Variants in TACC2 observed in about 807,000 individuals in gnomAD.
The protein encoded by TACC2 is transforming acidic coiled-coil-containing protein 2.
TACC2 carries 137 observed loss-of-function variants against 227.3 expected under a neutral mutation model. The ratio of observed to expected loss-of-function variants is 0.60; its 90% CI spans 0.52 to 0.69. The LOEUF (loss-of-function observed/expected upper bound fraction) is 0.69, where lower values mean the gene tolerates loss of function less well. Among genes scored for constraint, TACC2 ranks in the 30% least tolerant of loss-of-function variants. The pLI is 0.00. For synonymous variants in TACC2, 1,523 were observed against 1,487.5 expected (o/e 1.02, Z -0.55); for missense variants, 3,470 against 3,694.4 (o/e 0.94, Z 1.57).
chr10:122,137,471 T>A (rs2089888213), intron 6 of TACC2, among the ~76,000 whole-genome samples: 1 of 151,640 alleles, frequency 6.6e-6, no homozygotes, highest in African/African-American at 2.4e-5. Flanking sequence ...CTGAGGCCCA[T>A]CTAAAAAAAA....
Position 122,084,994 on chromosome 10 carries a change from C to A in TACC2, c.2494C>A (p.Pro832Thr). The change falls in exon 4 of 23, where the codon CCA becomes ACA. Residue 832 changes from proline to threonine, a missense_variant. This residue lies in a region of TACC2 where 1,924 missense variants were observed against 1,978.3 expected (regional missense o/e 0.97). Transcript: ENST00000369005. ...PLLSSEKHLQ[P>T]SQAQPETSIF... ...ACTATCTTCTGAGAAGCATCTCCAG[C>A]CATCCCAGGCACAACCAGAGACATC... 4 of 1,614,138 alleles carry A rather than the reference C, an allele frequency of 2.5e-6. No individual in the cohort carries two copies. The East Asian group carries it at 8.9e-5, about 36-fold the overall frequency.
Position 122,083,058 on chromosome 10 carries a change from C to T in TACC2, c.558C>T (p.Ser186=), listed in dbSNP as rs535065792. 6.2e-7 allele frequency: 1 copy of T among 1,612,664 alleles called. No individual in the cohort carries two copies. The highest frequency in any genetic ancestry group is 1.3e-5 in the African/African-American group (1 of 75,038). The change falls in exon 4 of 23, where the codon TCC becomes TCT. Residue 186 remains serine, a synonymous_variant. Transcript: ENST00000369005. ...AGCCGAAGGAAGAAGGACAGAAGTC[C>T]TCCTTCTCCTTCTCCAGTGGCATCG... is the stretch of plus-strand genomic sequence containing the variant. ...ERQPKEEGQK[S]SFSFSSGIDQ... is the part of the protein sequence containing the mutation.
intron 1 of TACC2, 64 bp downstream of exon 1, chr10:121,989,552 G>A (rs1234048545): frequency 6.6e-6 from 1 of 152,056 alleles, no homozygotes; most frequent in African/African-American, 2.4e-5. Context: ...TGAAAATACA[G>A]GGTAGGAAAA....
chr10:122,084,532 G>A lies in TACC2; in HGVS notation c.2032G>A (p.Gly678Ser), dbSNP rs1270547451. The stretch of plus-strand genomic sequence containing the variant: ...CCTGCCCCCTGTGCCAGATGGAGCT[G>A]GTGAGCCCACTGTTCCCGAAGGAGC... ...PVLPPVPDGAGEPTVPEGAIW... is the reference protein window; with the variant it reads ...PVLPPVPDGASEPTVPEGAIW... Residue 678 changes from glycine (G) to serine (S), a missense_variant, in exon 4 of 23, where the codon GGT becomes AGT. Around this residue, in one of 10 missense-constraint regions of TACC2, gnomAD observed 1,924 missense variants for 1,978.3 expected, o/e 0.97. Coordinates refer to ENST00000369005, the MANE Select transcript of TACC2 (RefSeq NM_206862.4). The A allele has an allele frequency of 5.0e-6, 8 of 1,613,648 alleles. No homozygotes were observed. The South Asian group carries it at 7.7e-5, about 16-fold the overall frequency.
At chr10:122,104,501 T>C (rs1352791496) in intron 5 of TACC2, among the ~76,000 whole-genome samples, 13 of 152,154 alleles carry the variant, frequency 8.5e-5, no homozygotes, top group Admixed American at 6.6e-5. Flanking sequence ...CCTGAGTAGC[T>C]GTGATTACAG....
chr10:122,163,730 C>T (rs2092970893), intron 7 of TACC2: 7 of 1,118,904 alleles, frequency 6.3e-6, no homozygotes, highest in South Asian at 8.8e-5. Context: ...CGGCGCTCGC[C>T]CCCCGGCCCC....
At position 122,249,162 on chromosome 10, in the gene TACC2, A is replaced by G; in HGVS notation, c.8660+6A>G. 3 of 1,604,056 alleles carry G rather than the reference A, an allele frequency of 1.9e-6. No individual in the cohort carries two copies. Among genetic ancestry groups the G allele is most frequent in the Non-Finnish European group, 2.6e-6 (3 of 1,175,688 alleles). On this transcript the variant is annotated splice_donor_region_variant and intron_variant, in intron 21 of 22. Coordinates refer to ENST00000369005, the MANE Select transcript of TACC2 (RefSeq NM_206862.4). ...GCGGAGGAGAAACTGGACAGGTAAC[A>G]TTTAGCCACTGGGGGTGGCTCCCAG...
intron 7 of TACC2, among the ~76,000 whole-genome samples, chr10:122,191,735 A>G (rs2094418398): frequency 6.6e-6 from 1 of 152,224 alleles, no homozygotes; most frequent in East Asian, 1.9e-4. Flanking sequence ...ATTTGCCTAT[A>G]ATTTAGAGAT....
intron 7 of TACC2, among the ~76,000 whole-genome samples, chr10:122,148,522 G>A (rs919097813): frequency 2.6e-5 from 4 of 152,360 alleles, no homozygotes; most frequent in East Asian, 3.9e-4. Flanking sequence ...GGTGTTATGC[G>A]CAGGCAGCTG....
intron 7 of TACC2, among the ~76,000 whole-genome samples, chr10:122,167,241 T>C (rs1247337977): frequency 2.6e-5 from 4 of 152,012 alleles, no homozygotes; most frequent in East Asian, 1.9e-4. Context: ...ATCACAAATA[T>C]GGAAACCCAT....
chr10:122,068,328 AT>A (rs1241779984), intron 3 of TACC2, among the ~76,000 whole-genome samples: 7 of 151,778 alleles, frequency 4.6e-5, no homozygotes, highest in Non-Finnish European at 2.9e-5. Context: ...AAATTATGTT[AT>A]TTTTTTTCTT....
intron 11 of TACC2, among the ~76,000 whole-genome samples, chr10:122,219,079 G>A (rs532526765): frequency 2.7e-5 from 4 of 149,256 alleles, no homozygotes; most frequent in Non-Finnish European, 4.4e-5. Flanking sequence ...GAGGCCCTAC[G>A]ATCTGGCCTC....
chr10:122,192,597 T>C (rs2094445965), intron 7 of TACC2: 1 of 427,176 alleles, frequency 2.3e-6, no homozygotes, highest in Admixed American at 2.4e-5. Context: ...TTGGTGACAT[T>C]GAAAGAGATT....
intron 7 of TACC2, among the ~76,000 whole-genome samples, chr10:122,163,031 A>G (rs1368366614): frequency 2.0e-5 from 3 of 151,956 alleles, no homozygotes; most frequent in Admixed American, 6.6e-5. Context: ...AGCTTGCCCC[A>G]GGCCCTCAGA....
chr10:122,201,927 CT>C (rs2094872149), intron 8 of TACC2, among the ~76,000 whole-genome samples: 1 of 151,560 alleles, frequency 6.6e-6, no homozygotes, highest in Non-Finnish European at 1.5e-5. Flanking sequence ...GTTTCCGCTG[CT>C]TTTTATGACT....
chr10:122,097,569 C>A (rs1475445465), intron 5 of TACC2, among the ~76,000 whole-genome samples: 1 of 151,574 alleles, frequency 6.6e-6, no homozygotes, highest in African/African-American at 2.4e-5. Context: ...ACGGGGAGGG[C>A]CCTGGGAGTA....
intron 1 of TACC2, among the ~76,000 whole-genome samples, chr10:122,013,114 G>A (rs1219492795): frequency 1.3e-5 from 2 of 152,172 alleles, no homozygotes; most frequent in South Asian, 2.1e-4. Context: ...GGCTGGATAT[G>A]TCAGTCCTGT....
chr10:122,203,881 T>C (rs1365626163), intron 8 of TACC2, among the ~76,000 whole-genome samples: 1 of 151,828 alleles, frequency 6.6e-6, no homozygotes, highest in Admixed American at 6.6e-5. Context: ...GAGCACTGAG[T>C]GAACGAGACT....
chr10:121,999,127 A>G (rs1953952745), intron 1 of TACC2, among the ~76,000 whole-genome samples: 1 of 151,384 alleles, frequency 6.6e-6, no homozygotes, highest in South Asian at 2.1e-4. Flanking sequence ...TACTGCCTCA[A>G]CCTCCTGAGT....
Sources: gnomAD v4.1 joint callset for allele counts (sites outside exome capture counted in the v4.1 genomes callset) on GRCh38, gnomAD v4.1.1 for gene constraint, gnomAD v4.1.1 regional missense constraint, MANE v1.5 for transcripts, NCBI Gene and HGNC (gene_info 2026-07-23, HGNC 2026-07-21) for gene names.